TTPAL: variants seen among roughly 807,000 people sequenced by gnomAD.
The protein encoded by TTPAL is alpha-tocopherol transfer protein-like.
A neutral mutation model predicts 28.7 loss-of-function variants in TTPAL; 21 were observed. The ratio of observed to expected loss-of-function variants is 0.73; its 90% CI spans 0.52 to 1.06. TTPAL has a LOEUF of 1.06. TTPAL is among the 50% of genes least tolerant of loss of function. The pLI, the probability that TTPAL is intolerant of heterozygous loss-of-function variation, is 0.00. For missense variants in TTPAL, 345 were observed against 425.5 expected, an observed-to-expected ratio of 0.81 and a Z score of 1.67; for synonymous variants, 169 against 171.9, an observed-to-expected ratio of 0.98 and a Z score of 0.13.
At chr20:44,478,985 T>C (rs2064073020) in intron 1 of TTPAL, among the ~76,000 whole-genome samples, 1 of 152,068 alleles carries the variant, frequency 6.6e-6, no homozygotes, top group South Asian at 2.1e-4. Flanking sequence ...GAGATGGGGT[T>C]TCACCGCGTT....
chr20:44,488,426 T>C (rs2122926280), intron 4 of TTPAL, among the ~76,000 whole-genome samples: 1 of 152,310 alleles, frequency 6.6e-6, no homozygotes, highest in South Asian at 2.1e-4. Flanking sequence ...AAATATCTAT[T>C]GATCAACTCT....
Position 44,484,571 on chromosome 20 carries a change from G to A in TTPAL, c.639+41G>A, listed in dbSNP as rs1310306257. 4 of 1,483,154 alleles carry A rather than the reference G, an allele frequency of 2.7e-6. No individual in the cohort carries two copies. The Admixed American group carries it at 5.4e-5, about 20-fold the overall frequency. 91.9% of individuals were successfully genotyped at this position (1,483,154 alleles called of 1,614,324 possible). A position where few individuals can be genotyped will look rare whatever the true frequency, so the allele number is the denominator to read the frequency against. On this transcript the variant is annotated intron_variant, in intron 3 of 4. Transcript: ENST00000262605. Reference sequence around the variant, plus strand: ...GTCCTGCCTGTTTCGTGGTGGCTCTGGCTTTCCCCAGGGCCTGTCCATTTA... The same window carrying A: ...GTCCTGCCTGTTTCGTGGTGGCTCTAGCTTTCCCCAGGGCCTGTCCATTTA...
chr20:44,479,936 A>T, intron 1 of TTPAL, 49 bp from the exon 2 acceptor site: 1 of 1,504,548 alleles, frequency 6.6e-7, no homozygotes. Context: ...CTGCCCTAGG[A>T]TTTGAAATAA....
At chr20:44,485,245 A>G (rs1420776621) in intron 3 of TTPAL, among the ~76,000 whole-genome samples, 1 of 152,080 alleles carries the variant, frequency 6.6e-6, no homozygotes, top group African/African-American at 2.4e-5. Flanking sequence ...TTCACACCTC[A>G]TGTTCTGTGT....
At chr20:44,487,097 A>G (rs977556528) in intron 4 of TTPAL, among the ~76,000 whole-genome samples, 33 of 152,280 alleles carry the variant, frequency 2.2e-4, no homozygotes, top group African/African-American at 7.9e-4. Context: ...CCTGGCCAAC[A>G]TGGTGAAACC....
chr20:44,478,000 TC>T (rs1330905344), intron 1 of TTPAL, among the ~76,000 whole-genome samples: 1 of 152,184 alleles, frequency 6.6e-6, no homozygotes, highest in East Asian at 1.9e-4. Context: ...GTGCCTATAG[TC>T]CCAGCTACCT....
In TTPAL at chr20:44,480,735, C is replaced by G. The variant is rs954368464; in HGVS notation, c.445+291C>G. 9.2e-5 allele frequency among the ~76,000 whole-genome samples: 14 copies of G among 152,202 alleles called. No homozygotes were observed. The highest frequency in any genetic ancestry group is 7.9e-4 in the Admixed American group (12 of 15,274). On this transcript the variant is annotated intron_variant, in intron 2 of 4. Coordinates refer to ENST00000262605, the MANE Select transcript of TTPAL (RefSeq NM_001039199.3). The surrounding 1 kb of genome is among the most constrained non-coding windows in gnomAD (Gnocchi z 4.1). ...CACCAGGAGCCAAGACAGCCGTTCT[C>G]CCTGTCTCTGCCTGACGGTCTGTGT...
At position 44,479,987 on chromosome 20, in the gene TTPAL, A is replaced by C; in HGVS notation, c.-13A>C. 1.2e-6 allele frequency: 2 copies of C among 1,609,818 alleles called. No homozygotes were observed. Among genetic ancestry groups the C allele is most frequent in the Non-Finnish European group, 1.7e-6 (2 of 1,177,282 alleles). The stretch of plus-strand genomic sequence containing the variant: ...GCTTAGGGCTTCTCTGTTGGCAGGG[A>C]CCTTGGTAGCTAATGTCCGAAGAAA... On this transcript the variant is annotated splice_region_variant and 5_prime_UTR_variant, in exon 2 of 5. Transcript: ENST00000262605.
Position 44,486,601 on chromosome 20 carries a change from T to C in TTPAL, c.645T>C (p.Gly215=), listed in dbSNP as rs2064154033. The change falls in exon 4 of 5, where the codon GGT becomes GGC. Residue 215 remains glycine, a synonymous_variant. Coordinates refer to ENST00000262605, the MANE Select transcript of TTPAL (RefSeq NM_001039199.3). ...CCTTTGCCTTTCCCACACAGGATGG[T>C]TTCCCCATTCGGATAAAAGCAGTCC... ...AKKVIGILQD[G]FPIRIKAVHV... is the part of the protein sequence containing the mutation. 1 of 1,605,002 alleles carries C rather than the reference T, an allele frequency of 6.2e-7. No individual in the cohort carries two copies. The highest frequency in any genetic ancestry group is 1.3e-5 in the African/African-American group (1 of 74,716).
intron 1 of TTPAL, among the ~76,000 whole-genome samples, chr20:44,477,063 T>C (rs904057522): frequency 6.6e-6 from 1 of 152,144 alleles, no homozygotes; most frequent in South Asian, 2.1e-4. Context: ...AAGAGGAAAT[T>C]CCAGGCAGAG....
intron 4 of TTPAL, among the ~76,000 whole-genome samples, chr20:44,488,208 C>G (rs1461758676): frequency 1.3e-5 from 2 of 152,180 alleles, no homozygotes; most frequent in African/African-American, 4.8e-5. Flanking sequence ...TTTAAAATCC[C>G]CTTAGGAAAT....
rs1308491721 is a variant in TTPAL at position 44,475,953 on chromosome 20, C to G, written c.-54C>G. 6.6e-6 allele frequency: 1 copy of G among 152,306 alleles called. No homozygotes were observed. The highest frequency in any genetic ancestry group is 1.5e-5 in the Non-Finnish European group (1 of 68,088). The allele number at this position is 152,306 out of a possible 1,614,324, so 9.4% of individuals were successfully genotyped here. A position where few individuals can be genotyped will look rare whatever the true frequency, so the allele number is the denominator to read the frequency against. Reference sequence around the variant, plus strand: ...TGCGTGCGCTGCCGGACGAGGCTCCCGCCGCCGATTGACCCGCGCTCCGCC... The same window carrying G: ...TGCGTGCGCTGCCGGACGAGGCTCCGGCCGCCGATTGACCCGCGCTCCGCC... On this transcript the variant is annotated 5_prime_UTR_variant, in exon 1 of 5. Coordinates refer to ENST00000262605, the MANE Select transcript of TTPAL (RefSeq NM_001039199.3).
chr20:44,487,109 C>T (rs938665493), intron 4 of TTPAL, among the ~76,000 whole-genome samples: 3 of 151,896 alleles, frequency 2.0e-5, no homozygotes, highest in Non-Finnish European at 4.4e-5. Context: ...GGTGAAACCC[C>T]GACTCTACTA....
rs759813910 is a variant in TTPAL, at chr20:44,489,350, G to A, written c.838G>A (p.Glu280Lys). 1.6e-5 allele frequency: 26 copies of A among 1,614,046 alleles called. No homozygotes were observed. The East Asian group carries it at 5.6e-4, about 35-fold the overall frequency. Residue 280 changes from glutamate (E) to lysine (K), a missense_variant, in exon 5 of 5, where the codon GAG becomes AAG. By Grantham distance (56) the Glu-to-Lys change is moderately conservative. Transcript: ENST00000262605. Reference protein sequence around the residue: ...LPKEYGGTAGELDTATWNAVL... With the variant: ...LPKEYGGTAGKLDTATWNAVL... ...CAAGGAGTATGGGGGCACGGCTGGG[G>A]AGCTGGACACTGCCACCTGGAACGC...
At position 44,484,330 on chromosome 20, in the gene TTPAL, A is replaced by C; in HGVS notation, c.446-7A>C. ...TGTAACATACTGTCAATCTCTTATG[A>C]CCTTAGACAGATGGATACCAAGCAA... On this transcript the variant is annotated splice_polypyrimidine_tract_variant and splice_region_variant and intron_variant, in intron 2 of 4. Coordinates refer to ENST00000262605, the MANE Select transcript of TTPAL (RefSeq NM_001039199.3). 3 of 1,550,864 alleles carry C rather than the reference A, an allele frequency of 1.9e-6. No homozygotes were observed. The highest frequency in any genetic ancestry group is 2.6e-6 in the Non-Finnish European group (3 of 1,133,204).
At chr20:44,478,735 T>C (rs2064069471) in intron 1 of TTPAL, 3 of 152,374 alleles carry the variant, frequency 2.0e-5, no homozygotes, top group African/African-American at 7.2e-5. Flanking sequence ...CTGTACACTA[T>C]TCTGCAACTT....
In TTPAL at chr20:44,480,122, C is replaced by T. The variant is rs1201211435; in HGVS notation, c.123C>T (p.Thr41=). 1 of 1,614,180 alleles carries T rather than the reference C, an allele frequency of 6.2e-7. No homozygotes were observed. Among genetic ancestry groups the T allele is most frequent in the Admixed American group, 1.7e-5 (1 of 60,020 alleles). The change falls in exon 2 of 5, where the codon ACC becomes ACT. Residue 41 remains threonine (T), a synonymous_variant. Transcript: ENST00000262605. This position sits in a 1 kb window ranked among gnomAD's most constrained non-coding sequence, Gnocchi z 4.1. ...YVCSLTEDLV[T]KAREELQEKP... ...GCTCACTGACAGAAGACCTGGTCACCAAAGCCCGGGAAGAGCTGCAGGAAA... is the reference window on the plus strand; with the variant it reads ...GCTCACTGACAGAAGACCTGGTCACTAAAGCCCGGGAAGAGCTGCAGGAAA...
At chr20:44,478,571 T>A (rs1322591582) in intron 1 of TTPAL, 2 of 152,204 alleles carry the variant, frequency 1.3e-5, no homozygotes, top group Non-Finnish European at 2.9e-5. Context: ...AGTAAAAAAT[T>A]CAAACAGTAT....
Position 44,491,643 on chromosome 20 carries a change from A to G in TTPAL, c.*2102A>G, listed in dbSNP as rs1448027779. 6.6e-6 allele frequency: 1 copy of G among 152,164 alleles called. No homozygotes were observed. Among genetic ancestry groups the G allele is most frequent in the East Asian group, 1.9e-4 (1 of 5,326 alleles). 9.4% of individuals were successfully genotyped at this position (152,164 alleles called of 1,614,324 possible). A position where few individuals can be genotyped will look rare whatever the true frequency, so the allele number is the denominator to read the frequency against. ...GTACTGGCTGAGCTGGAAGTGCCAA[A>G]AAGCACTCCTGGCTGCTTCTGGTTC... On this transcript the variant is annotated 3_prime_UTR_variant, in exon 5 of 5. Transcript: ENST00000262605.
Sources: allele counts gnomAD v4.1 joint callset (sites outside exome capture counted in the v4.1 genomes callset), GRCh38; gene constraint gnomAD v4.1.1; non-coding constraint Gnocchi (gnomAD v3.1); transcripts MANE v1.5; gene names NCBI Gene and HGNC (gene_info 2026-07-23, HGNC 2026-07-21).